The following EXD3 variants were observed in gnomAD, a reference collection of about 807,000 sequenced individuals.
EXD3 encodes the protein exonuclease 3'-5' domain containing 3, also known as exonuclease mut-7 homolog.
In EXD3, 92 loss-of-function variants were observed where a neutral mutation model predicts 98.0. The observed-to-expected ratio is 0.94, with a 90% CI of 0.79 to 1.12. The LOEUF (loss-of-function observed/expected upper bound fraction) is 1.12. EXD3 is among the 50% of genes most tolerant of loss of function. EXD3 has a pLI of 0.00. For synonymous variants in EXD3, 569 were observed against 526.0 expected (o/e 1.08, Z -1.12); for missense variants, 1,222 against 1,191.6 (o/e 1.03, Z -0.38).
intron 17 of EXD3, among the ~76,000 whole-genome samples, chr9:137,334,009 A>ATT (rs564734757): frequency 5.9e-4 from 86 of 144,912 alleles, no homozygotes; most frequent in African/African-American, 2.0e-3. Context: ...AGCCCAGCAA[A>ATT]TTTTTTTTTT....
chr9:137,309,280 T>C (rs1831234111), intron 20 of EXD3, among the ~76,000 whole-genome samples: 1 of 152,044 alleles, frequency 6.6e-6, no homozygotes, highest in South Asian at 2.1e-4. Context: ...TGCACGTGTG[T>C]GTGTGTCTGT....
chr9:137,373,135 T>C lies in EXD3; in HGVS notation c.295-63A>G, dbSNP rs182074109. 1.2e-4 allele frequency: 180 copies of C among 1,496,358 alleles called. No individual in the cohort carries two copies. The African/African-American group carries it at 2.2e-3, about 18-fold the overall frequency. 92.7% of individuals were successfully genotyped at this position (1,496,358 alleles called of 1,614,324 possible). The stretch of plus-strand genomic sequence containing the variant: ...CCCAGTGGCTGGGCCATGGGGCCGA[T>C]TGAGGCAGGCCTGGCTTAGGAAGCA... On this transcript the variant is annotated intron_variant, in intron 4 of 21. Transcript: ENST00000340951.
intron 7 of EXD3, among the ~76,000 whole-genome samples, chr9:137,363,758 T>C (rs768416570): frequency 6.6e-6 from 1 of 152,186 alleles, no homozygotes; most frequent in East Asian, 1.9e-4. Flanking sequence ...AATAGATATA[T>C]AGGACTATTT....
intron 19 of EXD3, among the ~76,000 whole-genome samples, chr9:137,311,252 G>A (rs918480376): frequency 2.6e-5 from 4 of 152,226 alleles, no homozygotes; most frequent in Non-Finnish European, 4.4e-5. Context: ...GGCAGGTCCT[G>A]TGACCTGGCC....
intron 16 of EXD3, among the ~76,000 whole-genome samples, chr9:137,348,853 A>G (rs915211691): frequency 6.6e-6 from 1 of 151,000 alleles, no homozygotes; most frequent in Non-Finnish European, 1.5e-5. Flanking sequence ...GGGGCCTGCC[A>G]GGCCAAGTAT....
At chr9:137,379,189 G>C (rs200465718) in intron 3 of EXD3, among the ~76,000 whole-genome samples, 5 of 119,370 alleles carry the variant, frequency 4.2e-5, no homozygotes, top group Admixed American at 8.0e-5. Context: ...GGGAATGGGG[G>C]CGTCTGTGTG....
intron 7 of EXD3, chr9:137,365,993 C>A (rs1835230798): frequency 1.7e-6 from 1 of 577,218 alleles, no homozygotes; most frequent in South Asian, 1.5e-5. Flanking sequence ...CACATGCACA[C>A]CTGCAGGCAC....
At position 137,330,294 on chromosome 9, in the gene EXD3, C is replaced by G. The variant is rs1451424746; in HGVS notation, c.1999-6151G>C. Among the ~76,000 whole-genome samples the G allele has an allele frequency of 4.3e-4, 56 of 130,748 alleles. 2 individuals carry two copies. Among genetic ancestry groups the G allele is most frequent in the Non-Finnish European group, 4.0e-4 (26 of 64,338 alleles). The allele number at this position is 130,748 out of a possible 152,430, so 85.8% of individuals were successfully genotyped here. On this transcript the variant is annotated intron_variant, in intron 17 of 21. Transcript: ENST00000340951. ...ACACAGGAACTACACAGGAACTACA[C>G]AGGAGCTACACAGGAACTACACCGG...
At position 137,372,949 on chromosome 9, in the gene EXD3, G is replaced by A. The variant is rs1280460406; in HGVS notation, c.418C>T (p.Leu140=). 6.2e-7 allele frequency: 1 copy of A among 1,602,046 alleles called. No homozygotes were observed. Among genetic ancestry groups the A allele is most frequent in the Non-Finnish European group, 8.5e-7 (1 of 1,179,716 alleles). The stretch of plus-strand genomic sequence containing the variant: ...TGGTGGAGGCGGTGGACGTGTGCCA[G>A]CAGGCAGCTCCTGTCTGCATCCTGC... ...QLQDADRSCL[L]AHVHRLHHEG... is the part of the protein sequence containing the mutation. The change falls in exon 5 of 22, where the codon CTG becomes TTG. Residue 140 remains leucine, a synonymous_variant. Transcript: ENST00000340951.
intron 3 of EXD3, among the ~76,000 whole-genome samples, chr9:137,381,980 C>A (rs908764075): frequency 7.4e-6 from 1 of 134,246 alleles, no homozygotes; most frequent in Non-Finnish European, 1.6e-5. Context: ...GGTGGGAGCA[C>A]GCAGAGGAGG....
intron 19 of EXD3, among the ~76,000 whole-genome samples, chr9:137,311,729 T>C (rs1831371756): frequency 6.6e-6 from 1 of 152,148 alleles, no homozygotes; most frequent in Non-Finnish European, 1.5e-5. Context: ...GCCCACTGGC[T>C]GTGCCCGCCC....
Position 137,385,813 on chromosome 9 carries a change from C to A in EXD3, c.56-2436G>T, listed in dbSNP as rs888977404. Among the ~76,000 whole-genome samples the A allele has an allele frequency of 6.6e-6, 1 of 152,022 alleles. No individual in the cohort carries two copies. The highest frequency in any genetic ancestry group is 1.5e-5 in the Non-Finnish European group (1 of 68,026). On this transcript the variant is annotated intron_variant, in intron 2 of 21. Coordinates refer to ENST00000340951, the MANE Select transcript of EXD3 (RefSeq NM_017820.5). This position sits in a 1 kb window ranked among gnomAD's most constrained non-coding sequence, Gnocchi z 4.4. The stretch of plus-strand genomic sequence containing the variant: ...CCTCCCAAAGTGCTGGGATGACAGG[C>A]GTGAGCCACCGCGCCCAGCCCAGAT...
intron 14 of EXD3, 132 bp downstream of exon 14, chr9:137,350,906 G>C (rs1333095283): frequency 5.7e-6 from 4 of 707,692 alleles, no homozygotes; most frequent in African/African-American, 3.6e-5. Flanking sequence ...TGGGGCCCTG[G>C]TGACTGAGGC....
intron 3 of EXD3, among the ~76,000 whole-genome samples, chr9:137,382,728 G>A (rs1836378511): frequency 6.6e-6 from 1 of 152,118 alleles, no homozygotes; most frequent in Non-Finnish European, 1.5e-5. Context: ...GGGTTGGAGG[G>A]CGTCCCCCGG....
At chr9:137,327,155 A>G (rs1195714011) in intron 17 of EXD3, among the ~76,000 whole-genome samples, 1 of 146,802 alleles carries the variant, frequency 6.8e-6, no homozygotes, top group Non-Finnish European at 1.5e-5. Context: ...TTTTTTTGAG[A>G]CAGAGTCTTG....
intron 17 of EXD3, chr9:137,345,753 T>C (rs1228683857): frequency 6.6e-6 from 1 of 151,750 alleles, no homozygotes; most frequent in Admixed American, 6.6e-5. Context: ...TCTTCAAAAA[T>C]GTTCTCTCCA....
intron 17 of EXD3, among the ~76,000 whole-genome samples, chr9:137,335,793 T>C (rs576834389): frequency 1.3e-5 from 2 of 152,270 alleles, no homozygotes; most frequent in South Asian, 4.1e-4. Context: ...CTACTGAGTA[T>C]CTACCCAAAG....
intron 17 of EXD3, among the ~76,000 whole-genome samples, chr9:137,325,251 C>T (rs779410160): frequency 4.6e-5 from 7 of 152,054 alleles, no homozygotes; most frequent in Non-Finnish European, 1.0e-4. Flanking sequence ...ATGCAGACAA[C>T]GAGGCCGGAG....
rs200478007 is a variant in EXD3 at position 137,352,105 on chromosome 9, C to T, written c.1134G>A (p.Ser378=). ...CCTCGTGTCTGGTCAGGTCTTCCCACGAGGCCAGGAGGTGGACGTTCTCCC... is the reference window on the plus strand; with the variant it reads ...CCTCGTGTCTGGTCAGGTCTTCCCATGAGGCCAGGAGGTGGACGTTCTCCC... ...IPRENVHLLA[S]WEDLTRHEGA... Residue 378 remains serine, a synonymous_variant, in exon 12 of 22, where the codon TCG becomes TCA. Transcript: ENST00000340951. 159 of 1,612,606 alleles carry T rather than the reference C, an allele frequency of 9.9e-5. No individual in the cohort carries two copies. In the African/African-American group the frequency reaches 1.9e-3, roughly 19 times the overall value.
Sources: allele counts gnomAD v4.1 joint callset (sites outside exome capture counted in the v4.1 genomes callset), GRCh38; gene constraint gnomAD v4.1.1; non-coding constraint Gnocchi (gnomAD v3.1); transcripts MANE v1.5; gene names NCBI Gene and HGNC (gene_info 2026-07-23, HGNC 2026-07-21).